PAPPA: variants seen among roughly 807,000 people sequenced by gnomAD.
PAPPA encodes the protein pappalysin 1.
A neutral mutation model predicts 164.0 loss-of-function variants in PAPPA; 60 were observed. That is an observed-to-expected ratio of 0.37 (90% CI 0.30 to 0.45). The LOEUF is 0.45. Among genes scored for constraint, PAPPA ranks in the 20% least tolerant of loss-of-function variants. The pLI, the probability that PAPPA is intolerant of heterozygous loss-of-function variation, is 1.00. For synonymous variants in PAPPA, 875 were observed against 814.1 expected (o/e 1.07, Z -1.27); for missense variants, 1,782 against 2,087.3 (o/e 0.85, Z 2.85).
chr9:116,254,858 C>A (rs2118788346), intron 7 of PAPPA, among the ~76,000 whole-genome samples: 1 of 150,998 alleles, frequency 6.6e-6, no homozygotes, highest in Middle Eastern at 3.4e-3. Context: ...GTAGCTGTCT[C>A]AGGATAATGG....
chr9:116,346,056 G>C (rs1846203433), intron 14 of PAPPA, among the ~76,000 whole-genome samples: 1 of 152,156 alleles, frequency 6.6e-6, no homozygotes, highest in Non-Finnish European at 1.5e-5. Flanking sequence ...AACTCCTGTA[G>C]AAACAATTAG....
intron 13 of PAPPA, among the ~76,000 whole-genome samples, chr9:116,337,544 A>ATAG: frequency 6.6e-6 from 1 of 152,312 alleles, no homozygotes; most frequent in Non-Finnish European, 1.5e-5. Context: ...TGTAGGAGAA[A>ATAG]CATCCCACTT....
intron 2 of PAPPA, among the ~76,000 whole-genome samples, chr9:116,189,523 G>A (rs866622518): frequency 6.6e-6 from 1 of 152,120 alleles, no homozygotes; most frequent in Non-Finnish European, 1.5e-5. Flanking sequence ...GACAGAAAAG[G>A]GGGCCTTCAG....
At chr9:116,174,280 C>G (rs554765914) in intron 1 of PAPPA, among the ~76,000 whole-genome samples, 54 of 151,620 alleles carry the variant, frequency 3.6e-4, no homozygotes, top group Non-Finnish European at 7.2e-4. Context: ...CTGGCCTTGT[C>G]CCTTTCTTAT....
chr9:116,211,961 A>T, intron 4 of PAPPA, 29 bp downstream of exon 4: 1 of 1,591,408 alleles, frequency 6.3e-7, no homozygotes, highest in Non-Finnish European at 8.6e-7. Flanking sequence ...TAGGGTGAAC[A>T]GGTCTGGATG....
chr9:116,233,976 G>A (rs926802085), intron 6 of PAPPA, among the ~76,000 whole-genome samples: 1 of 152,060 alleles, frequency 6.6e-6, no homozygotes, highest in Admixed American at 6.6e-5. Flanking sequence ...ATTTGAGCCT[G>A]CAATGAGCTA....
At chr9:116,389,962 G>A (rs1229029294) in intron 21 of PAPPA, among the ~76,000 whole-genome samples, 2 of 152,190 alleles carry the variant, frequency 1.3e-5, no homozygotes, top group East Asian at 1.9e-4. Flanking sequence ...TTTGTTTATT[G>A]ATATATTCAA....
intron 21 of PAPPA, 46 bp from the exon 22 acceptor site, chr9:116,396,462 AT>A (rs1846964394): frequency 1.3e-6 from 1 of 778,762 alleles, no homozygotes; most frequent in Non-Finnish European, 2.4e-6. Context: ...CTTTCTGATC[AT>A]TACTGCTTCA....
intron 4 of PAPPA, 63 bp downstream of exon 4, chr9:116,211,995 C>T: frequency 6.9e-7 from 1 of 1,444,114 alleles, no homozygotes. Context: ...CCAATCCTGG[C>T]TCAGGGGAAC....
intron 1 of PAPPA, among the ~76,000 whole-genome samples, chr9:116,158,082 C>A (rs549287027): frequency 1.3e-5 from 2 of 152,150 alleles, no homozygotes; most frequent in Non-Finnish European, 2.9e-5. Flanking sequence ...CTTAGTGATT[C>A]GGAATTCCTG....
chr9:116,335,787 A>C (rs1271234001), intron 13 of PAPPA, among the ~76,000 whole-genome samples: 2 of 152,174 alleles, frequency 1.3e-5, no homozygotes, highest in African/African-American at 2.4e-5. Flanking sequence ...AAGTCACTTC[A>C]GTTTTCTGGG....
chr9:116,229,275 G>A (rs143459461), intron 6 of PAPPA, among the ~76,000 whole-genome samples: 9 of 152,304 alleles, frequency 5.9e-5, no homozygotes, highest in East Asian at 1.9e-4. Flanking sequence ...TCCTGGAGAC[G>A]TTTATAGGGT....
chr9:116,201,120 G>C (rs888326626), intron 2 of PAPPA, among the ~76,000 whole-genome samples: 1 of 152,146 alleles, frequency 6.6e-6, no homozygotes, highest in Non-Finnish European at 1.5e-5. Context: ...TAAGCAGGAG[G>C]ATCAAGTCCA....
chr9:116,341,611 G>GATCTCATGTATC (rs1846138774), intron 13 of PAPPA, among the ~76,000 whole-genome samples: 1 of 152,086 alleles, frequency 6.6e-6, no homozygotes, highest in Non-Finnish European at 1.5e-5. Flanking sequence ...TATCTGAAAT[G>GATCTCATGTATC]ATCTCATGTA....
At chr9:116,200,296 A>G (rs1844157142) in intron 2 of PAPPA, among the ~76,000 whole-genome samples, 3 of 152,196 alleles carry the variant, frequency 2.0e-5, no homozygotes, top group Admixed American at 1.3e-4. Context: ...ACCCTCCTTC[A>G]GCTGGGTGTC....
At chr9:116,157,666 C>A (rs1843619647) in intron 1 of PAPPA, among the ~76,000 whole-genome samples, 2 of 152,080 alleles carry the variant, frequency 1.3e-5, no homozygotes, top group South Asian at 4.1e-4. Context: ...TCCCTGGCAT[C>A]TGACTTCCAG....
chr9:116,154,132 GC>G lies in PAPPA; in HGVS notation c.-40del. 4 of 1,381,046 alleles carry G rather than the reference GC, an allele frequency of 2.9e-6. No individual in the cohort carries two copies. The highest frequency in any genetic ancestry group is 3.8e-6 in the Non-Finnish European group (4 of 1,056,576). The allele number at this position is 1,381,046 out of a possible 1,614,324, so 85.5% of individuals were successfully genotyped here. A position where few individuals can be genotyped will look rare whatever the true frequency, so the allele number is the denominator to read the frequency against. ...CTCCCAAAGCTGGCAGCTCCGGGTG[GC>G]GGTGCAGGGGCGAAGGGGGGGCGGG... On this transcript the variant is annotated 5_prime_UTR_variant, in exon 1 of 22. Transcript: ENST00000328252. The surrounding 1 kb of genome is among the most constrained non-coding windows in gnomAD (Gnocchi z 5.2).
chr9:116,353,593 A>T (rs1193221074), intron 16 of PAPPA, 29 bp from the exon 17 acceptor site: 2 of 1,604,562 alleles, frequency 1.2e-6, no homozygotes, highest in South Asian at 2.2e-5. Context: ...GGTCCTTGAG[A>T]TGTCTCCTGT....
chr9:116,277,516 A>G (rs1052426352), intron 9 of PAPPA, among the ~76,000 whole-genome samples: 1 of 152,172 alleles, frequency 6.6e-6, no homozygotes, highest in Non-Finnish European at 1.5e-5. Context: ...AGTTTTTTCA[A>G]TCATAAAATG....
Sources: gnomAD v4.1 joint callset for allele counts (sites outside exome capture counted in the v4.1 genomes callset) on GRCh38, gnomAD v4.1.1 for gene constraint, Gnocchi (gnomAD v3.1) non-coding constraint, MANE v1.5 for transcripts, NCBI Gene and HGNC (gene_info 2026-07-23, HGNC 2026-07-21) for gene names.